The following KDM7A variants were observed in gnomAD, a reference collection of about 807,000 sequenced individuals.
The protein encoded by KDM7A is lysine-specific demethylase 7A.
Under a neutral mutation model 114.8 loss-of-function variants are expected in KDM7A, and 28 were observed. The observed-to-expected ratio is 0.24, with a 90% confidence interval of 0.18 to 0.33. The LOEUF is 0.33. Ranked by LOEUF, KDM7A falls within the 10% of genes least tolerant of loss-of-function variation. KDM7A has a pLI of 1.00. For synonymous variants in KDM7A, 423 were observed against 397.8 expected, an observed-to-expected ratio of 1.06 and a Z score of -0.75; for missense variants, 942 against 1,142.5, an observed-to-expected ratio of 0.82 and a Z score of 2.53.
Position 140,152,556 on chromosome 7 carries a change from G to A in KDM7A, c.195-13366C>T, listed in dbSNP as rs546933009. ...TGAGAATCACTTGATCCCGGGAGGC[G>A]GAGGTTACAGTGTGAGCTGAGATCA... On this transcript the variant is annotated intron_variant, in intron 1 of 19. Transcript: ENST00000397560. Among the ~76,000 whole-genome samples the A allele has an allele frequency of 8.0e-4, 122 of 151,954 alleles. 1 individual carries two copies. Among genetic ancestry groups the A allele is most frequent in the Middle Eastern group, 3.4e-3 (1 of 294 alleles).
rs755159814 is a variant in KDM7A, at chr7:140,094,157, T to G, written c.2375-19A>C. ...TGGTATCCTAAAGAGAAGTTTTAGT[T>G]TAATTAACTTTGCACAAACTTGATT... On this transcript the variant is annotated intron_variant, in intron 17 of 19. Coordinates refer to ENST00000397560, the MANE Select transcript of KDM7A (RefSeq NM_030647.2). 7.1e-7 allele frequency: 1 copy of G among 1,405,758 alleles called. No homozygotes were observed. Among genetic ancestry groups the G allele is most frequent in the South Asian group, 1.2e-5 (1 of 86,826 alleles). 87.1% of individuals were successfully genotyped at this position (1,405,758 alleles called of 1,614,324 possible). A position where few individuals can be genotyped will look rare whatever the true frequency, so the allele number is the denominator to read the frequency against.
intron 12 of KDM7A, among the ~76,000 whole-genome samples, chr7:140,100,709 C>T (rs12155063): frequency 0.04 from 1,246 of 31,270 alleles, 20 homozygotes; most frequent in South Asian, 0.074. Context: ...TATATATATA[C>T]ACATATATAT....
At chr7:140,160,402 T>C (rs1483118294) in intron 1 of KDM7A, among the ~76,000 whole-genome samples, 2 of 152,212 alleles carry the variant, frequency 1.3e-5, no homozygotes, top group Non-Finnish European at 2.9e-5. Flanking sequence ...TTCTGTCCTC[T>C]TAGAATGTCT....
chr7:140,131,163 G>C lies in KDM7A; in HGVS notation c.399-1510C>G, dbSNP rs1019768759. Among the ~76,000 whole-genome samples the C allele has an allele frequency of 5.3e-5, 8 of 152,202 alleles. No individual in the cohort carries two copies. In the East Asian group the frequency reaches 1.5e-3, roughly 29 times the overall value. On this transcript the variant is annotated intron_variant, in intron 3 of 19. Transcript: ENST00000397560. ...ATTACAGGCGTGAGCCACCGCGCCAGGCCTAGTAAGTCTTAATACTAGGTA... is the reference window on the plus strand; with the variant it reads ...ATTACAGGCGTGAGCCACCGCGCCACGCCTAGTAAGTCTTAATACTAGGTA...
At position 140,097,551 on chromosome 7, in the gene KDM7A, A is replaced by G; in HGVS notation, c.2010T>C (p.Thr670=). The change falls in exon 15 of 20, where the codon ACT becomes ACC. Residue 670 remains threonine, a synonymous_variant. Coordinates refer to ENST00000397560, the MANE Select transcript of KDM7A (RefSeq NM_030647.2). ...CATGGGGTCTCAGGCGTACCAGTGCAGTGCACTCGGGTCCGGAGTCTTCTG... is the reference window on the plus strand; with the variant it reads ...CATGGGGTCTCAGGCGTACCAGTGCGGTGCACTCGGGTCCGGAGTCTTCTG... ...SESEDSGPEC[T]ALKSIFTTEE... 6.5e-7 allele frequency: 1 copy of G among 1,544,730 alleles called. No homozygotes were observed. Among genetic ancestry groups the G allele is most frequent in the South Asian group, 1.1e-5 (1 of 89,556 alleles).
At chr7:140,161,564 G>C (rs182344990) in intron 1 of KDM7A, among the ~76,000 whole-genome samples, 1 of 151,240 alleles carries the variant, frequency 6.6e-6, no homozygotes, top group African/African-American at 2.4e-5. Context: ...TCTACGGTGG[G>C]GGGGACGGAG....
At chr7:140,170,118 T>C (rs1441630582) in intron 1 of KDM7A, among the ~76,000 whole-genome samples, 1 of 152,140 alleles carries the variant, frequency 6.6e-6, no homozygotes, top group Non-Finnish European at 1.5e-5. Context: ...TTAAACAAAT[T>C]TGTAAAATAT....
chr7:140,149,906 G>A (rs2116834205), intron 1 of KDM7A, among the ~76,000 whole-genome samples: 1 of 152,296 alleles, frequency 6.6e-6, no homozygotes, highest in Admixed American at 6.5e-5. Context: ...TCTGAAGTGT[G>A]TATATACATA....
intron 1 of KDM7A, among the ~76,000 whole-genome samples, chr7:140,168,761 T>C (rs1794606385): frequency 6.6e-6 from 1 of 152,198 alleles, no homozygotes; most frequent in East Asian, 1.9e-4. Context: ...AATACTGTAA[T>C]CTAGCTAGCA....
At chr7:140,169,686 C>A (rs1277847774) in intron 1 of KDM7A, among the ~76,000 whole-genome samples, 1 of 152,068 alleles carries the variant, frequency 6.6e-6, no homozygotes, top group Non-Finnish European at 1.5e-5. Flanking sequence ...CCACTATGCC[C>A]AGCTAATTTT....
At chr7:140,152,268 C>A (rs1157865482) in intron 1 of KDM7A, among the ~76,000 whole-genome samples, 1 of 152,164 alleles carries the variant, frequency 6.6e-6, no homozygotes, top group African/African-American at 2.4e-5. Flanking sequence ...CCACAAAAAT[C>A]TTGACATAAC....
rs1198464135 is a variant in KDM7A at position 140,091,026 on chromosome 7, G to A, written c.*68C>T. The stretch of plus-strand genomic sequence containing the variant: ...AAACTGCTCCAGGCAGGGGGACAGC[G>A]GAAGCTCCAGGCTCCTGCACCCCTA... On this transcript the variant is annotated 3_prime_UTR_variant, in exon 20 of 20. Coordinates refer to ENST00000397560, the MANE Select transcript of KDM7A (RefSeq NM_030647.2). 1.5e-5 allele frequency: 17 copies of A among 1,103,678 alleles called. No homozygotes were observed. Among genetic ancestry groups the A allele is most frequent in the East Asian group, 4.7e-5 (2 of 42,510 alleles). The allele number at this position is 1,103,678 out of a possible 1,614,324, so 68.4% of individuals were successfully genotyped here.
intron 3 of KDM7A, 56 bp from the exon 4 acceptor site, chr7:140,129,709 A>G: frequency 8.8e-7 from 1 of 1,140,896 alleles, no homozygotes; most frequent in Non-Finnish European, 1.3e-6. Context: ...TCAGTTTAAA[A>G]AAAATACGGT....
intron 11 of KDM7A, among the ~76,000 whole-genome samples, chr7:140,103,940 G>T (rs1266385696): frequency 1.3e-5 from 2 of 152,170 alleles, no homozygotes; most frequent in Non-Finnish European, 2.9e-5. Flanking sequence ...GTGTAAAAGT[G>T]TTCCTATTTC....
intron 1 of KDM7A, among the ~76,000 whole-genome samples, chr7:140,156,393 C>A (rs375902922): frequency 1.3e-5 from 2 of 152,176 alleles, no homozygotes; most frequent in African/African-American, 2.4e-5. Context: ...ATTTTCAAAT[C>A]CCCTATCTCT....
rs1373857979 is a variant in KDM7A, at chr7:140,096,883, C to T, written c.2165+16G>A. On this transcript the variant is annotated intron_variant, in intron 16 of 19. Coordinates refer to ENST00000397560, the MANE Select transcript of KDM7A (RefSeq NM_030647.2). ...CCTTACAATATAATAAGACTTACTA[C>T]TATCAGCAAGCCTACCTTTTAATTG... 1 of 1,611,498 alleles carries T rather than the reference C, an allele frequency of 6.2e-7. No individual in the cohort carries two copies. Among genetic ancestry groups the T allele is most frequent in the African/African-American group, 1.3e-5 (1 of 74,790 alleles).
chr7:140,159,042 G>C lies in KDM7A; in HGVS notation c.194+17702C>G, dbSNP rs187201493. Among the ~76,000 whole-genome samples the C allele has an allele frequency of 6.3e-3, 954 of 152,282 alleles. 20 individuals are homozygous for C. Among genetic ancestry groups the C allele is most frequent in the African/African-American group, 0.021 (860 of 41,564 alleles). On this transcript the variant is annotated intron_variant, in intron 1 of 19. Transcript: ENST00000397560. ...AAAAGGGTTTTTTGTTTGTTTGTTTGTTTCTTTTAATAAAGGATACAGGCC... is the reference window on the plus strand; with the variant it reads ...AAAAGGGTTTTTTGTTTGTTTGTTTCTTTCTTTTAATAAAGGATACAGGCC...
At chr7:140,147,178 T>C (rs1204447244) in intron 1 of KDM7A, among the ~76,000 whole-genome samples, 2 of 152,080 alleles carry the variant, frequency 1.3e-5, no homozygotes, top group East Asian at 1.9e-4. Context: ...CACTGACTTA[T>C]GGCCTAACAT....
rs1053559107 is a variant in KDM7A at position 140,136,555 on chromosome 7, G to A, written c.280+2550C>T. Among the ~76,000 whole-genome samples the A allele has an allele frequency of 2.0e-5, 3 of 152,276 alleles. No homozygotes were observed. In the South Asian group the frequency reaches 6.2e-4, roughly 32 times the overall value. On this transcript the variant is annotated intron_variant, in intron 2 of 19. Coordinates refer to ENST00000397560, the MANE Select transcript of KDM7A (RefSeq NM_030647.2). ...AGAATACATATTTAAGTTATTTGTGGGCTGTTTTTTGATACCTGCCCTCAA... is the reference window on the plus strand; with the variant it reads ...AGAATACATATTTAAGTTATTTGTGAGCTGTTTTTTGATACCTGCCCTCAA...
Sources: gnomAD v4.1 joint callset for allele counts (sites outside exome capture counted in the v4.1 genomes callset) on GRCh38, gnomAD v4.1.1 for gene constraint, MANE v1.5 for transcripts, NCBI Gene and HGNC (gene_info 2026-07-23, HGNC 2026-07-21) for gene names.